Variants in MTM1 observed in about 807,000 individuals in gnomAD.
The protein encoded by MTM1 is myotubularin 1, also known as myotubularin.
Under a neutral mutation model 52.1 loss-of-function variants are expected in MTM1, and 9 were observed. The observed-to-expected ratio is 0.17, with a 90% confidence interval of 0.10 to 0.30. MTM1 has a LOEUF of 0.30. Ranked by LOEUF, MTM1 falls within the 10% of genes least tolerant of loss-of-function variation. The pLI is 1.00. For missense variants in MTM1, 277 were observed against 470.7 expected, an observed-to-expected ratio of 0.59 and a Z score of 3.81; for synonymous variants, 136 against 163.8, an observed-to-expected ratio of 0.83 and a Z score of 1.29.
At chrX:150,603,858 G>A (rs781864790) in intron 4 of MTM1, among the ~76,000 whole-genome samples, 31 of 111,492 alleles carry the variant, frequency 2.8e-4, no homozygotes, top group Non-Finnish European at 5.1e-4. Flanking sequence ...GGACCCCGGG[G>A]GACATGGACA....
At chrX:150,595,709 A>C (rs1424463259) in intron 2 of MTM1, among the ~76,000 whole-genome samples, 3 of 112,679 alleles carry the variant, frequency 2.7e-5, no homozygotes, top group Non-Finnish European at 3.7e-5. Context: ...GAATAACCTG[A>C]AAGACAATGG....
At chrX:150,567,710 C>T (rs1569565258), upstream of MTM1, among the ~76,000 whole-genome samples, 1 of 111,102 alleles carries the variant, frequency 9.0e-6, no homozygotes, top group Non-Finnish European at 1.9e-5. Flanking sequence ...CCTGCCACCA[C>T]GCCTGGATAA....
At chrX:150,637,019 T>A (rs2039763086) in intron 6 of MTM1, among the ~76,000 whole-genome samples, 1 of 112,144 alleles carries the variant, frequency 8.9e-6, no homozygotes, top group Non-Finnish European at 1.9e-5. Context: ...AAAGCCTCAG[T>A]GCATCGCTTA....
At chrX:150,606,585 C>T (rs2039161367) in intron 4 of MTM1, among the ~76,000 whole-genome samples, 1 of 111,506 alleles carries the variant, frequency 9.0e-6, no homozygotes, top group Non-Finnish European at 1.9e-5. Context: ...TTGTCACCAC[C>T]TAAGGAGGTC....
intron 6 of MTM1, among the ~76,000 whole-genome samples, chrX:150,622,600 GA>G (rs1277228269): frequency 1.8e-4 from 20 of 111,951 alleles, no homozygotes; most frequent in Admixed American, 1.5e-3. Context: ...AAACGCAAAG[GA>G]AATCCACGGG....
At chrX:150,621,441 C>T (rs1762711645) in intron 6 of MTM1, among the ~76,000 whole-genome samples, 1 of 111,433 alleles carries the variant, frequency 9.0e-6, no homozygotes. Context: ...GCTAATCCTA[C>T]ACAATGCTGC....
chrX:150,596,604 TGAG>T (rs1182914532), intron 3 of MTM1, 34 bp downstream of exon 3: 3 of 1,134,459 alleles, frequency 2.6e-6, no homozygotes, highest in African/African-American at 1.8e-5. Flanking sequence ...TTGCATAACT[TGAG>T]GAGAAGTCTG....
chrX:150,632,135 G>C, intron 6 of MTM1, among the ~76,000 whole-genome samples: 1 of 111,987 alleles, frequency 8.9e-6, no homozygotes, highest in South Asian at 3.7e-4. Flanking sequence ...AAGGAGTGCT[G>C]TTTTCCTGGG....
intron 1 of MTM1, among the ~76,000 whole-genome samples, chrX:150,577,357 G>T (rs554944): frequency 0.36 from 40,524 of 111,431 alleles, 6,557 homozygotes; most frequent in East Asian, 0.68. Context: ...TATGTTTAGT[G>T]TATGTTTAAC....
intron 4 of MTM1, among the ~76,000 whole-genome samples, chrX:150,606,939 TTCCCTCCCCTCCCCCTCCCCTCCCC>T (rs2039174487): frequency 5.0e-5 from 1 of 19,810 alleles, no homozygotes; most frequent in Non-Finnish European, 1.1e-4. Flanking sequence ...CTCCCTTCCC[TTCCCTCCCCTCCCCCTCCCCTCCCC>T]CTCCCCTCCC....
At chrX:150,643,240 A>G (rs2039877441) in intron 8 of MTM1, among the ~76,000 whole-genome samples, 1 of 112,020 alleles carries the variant, frequency 8.9e-6, no homozygotes, top group African/African-American at 3.2e-5. Context: ...AAGTGACATG[A>G]AAGAGATCTT....
chrX:150,669,484 AAC>A (rs1360777975), intron 14 of MTM1, among the ~76,000 whole-genome samples: 1 of 111,905 alleles, frequency 8.9e-6, no homozygotes. Context: ...CACTCCCACC[AAC>A]AGTGTAAAAG....
chrX:150,649,304 TAC>T (rs781972598), intron 9 of MTM1, among the ~76,000 whole-genome samples: 23 of 112,718 alleles, frequency 2.0e-4, no homozygotes, highest in Non-Finnish European at 3.8e-4. Flanking sequence ...TGAGTGCTGT[TAC>T]AGTGCCAGAG....
At chrX:150,575,319 C>T (rs782188242) in intron 1 of MTM1, among the ~76,000 whole-genome samples, 2 of 112,465 alleles carry the variant, frequency 1.8e-5, no homozygotes, top group South Asian at 3.7e-4. Flanking sequence ...ACTTGCTGCC[C>T]TGGGCATCGC....
rs185380604 is a variant in MTM1, at chrX:150,605,881, G to A, written c.231+7195G>A. Among the ~76,000 whole-genome samples, 11 of 110,993 alleles carry A rather than the reference G, an allele frequency of 9.9e-5. No homozygotes were observed. The East Asian group carries it at 2.8e-3, about 29-fold the overall frequency. ...GTAAGCCTTGGATACTACCAGGAAG[G>A]GAGGCAGAGTTTACCTTTCAGTGTG... On this transcript the variant is annotated intron_variant, in intron 4 of 14. Transcript: ENST00000370396.
intron 1 of MTM1, among the ~76,000 whole-genome samples, chrX:150,587,904 A>G (rs1192192594): frequency 9.0e-6 from 1 of 111,500 alleles, no homozygotes; most frequent in Non-Finnish European, 1.9e-5. Context: ...TCTCCTTTAT[A>G]TTGGAGTTAG....
At chrX:150,663,324 T>C (rs2040253966) in intron 13 of MTM1, 109 bp from the exon 14 acceptor site, 1 of 851,902 alleles carries the variant, frequency 1.2e-6, no homozygotes, top group East Asian at 3.3e-5. Flanking sequence ...AATGTAAATG[T>C]GTGATTCAAT....
chrX:150,591,183 T>C (rs781930654), intron 1 of MTM1: 1 of 171,560 alleles, frequency 5.8e-6, no homozygotes, highest in Admixed American at 9.4e-5. Context: ...CTAAGTTGAG[T>C]ATCTCTTTCT....
intron 6 of MTM1, among the ~76,000 whole-genome samples, chrX:150,631,667 C>CAAAAA (rs34042424): frequency 4.8e-4 from 17 of 35,443 alleles, no homozygotes; most frequent in South Asian, 4.6e-3. Context: ...ACTCCATCTC[C>CAAAAA]AAAAAAAAAA....
Sources: allele counts gnomAD v4.1 joint callset (sites outside exome capture counted in the v4.1 genomes callset), GRCh38; gene constraint gnomAD v4.1.1; transcripts MANE v1.5; gene names NCBI Gene and HGNC (gene_info 2026-07-23, HGNC 2026-07-21).